GDAP1: variants seen among roughly 807,000 people sequenced by gnomAD.
The protein encoded by GDAP1 is ganglioside-induced differentiation-associated protein 1.
In GDAP1, 34 loss-of-function variants were observed where a neutral mutation model predicts 40.1. That is an observed-to-expected ratio of 0.85 (90% CI 0.64 to 1.13). The LOEUF (loss-of-function observed/expected upper bound fraction) is 1.13, where lower values mean the gene tolerates loss of function less well. Ranked by LOEUF, GDAP1 falls within the 50% of genes most tolerant of loss-of-function variation. The pLI is 0.00. For missense variants in GDAP1, 374 were observed against 433.7 expected, an observed-to-expected ratio of 0.86 and a Z score of 1.22; for synonymous variants, 170 against 157.4, an observed-to-expected ratio of 1.08 and a Z score of -0.60.
chr8:74,413,087 A>AAAT (rs1805735734), intron 2 of GDAP1, among the ~76,000 whole-genome samples: 1 of 147,590 alleles, frequency 6.8e-6, no homozygotes, highest in East Asian at 1.9e-4. Flanking sequence ...AAAAAAAAAA[A>AAAT]AGATTTCTGA....
intron 2 of GDAP1, among the ~76,000 whole-genome samples, chr8:74,447,475 C>T (rs141482975): frequency 2.2e-4 from 34 of 152,134 alleles, no homozygotes; most frequent in African/African-American, 6.0e-4. Flanking sequence ...TTTTGAGTGC[C>T]GATGTGACGC....
chr8:74,463,744 T>C (rs1267477780), intron 2 of GDAP1, among the ~76,000 whole-genome samples: 1 of 152,214 alleles, frequency 6.6e-6, no homozygotes, highest in Admixed American at 6.5e-5. Context: ...GAAATTGGAA[T>C]ATCAACCTTA....
At chr8:74,358,201 G>A (rs1380707342) in intron 2 of GDAP1, among the ~76,000 whole-genome samples, 1 of 152,188 alleles carries the variant, frequency 6.6e-6, no homozygotes, top group African/African-American at 2.4e-5. Context: ...TGAAGAATTT[G>A]GGCTTGGCCT....
chr8:74,413,137 G>T (rs1805736634), intron 2 of GDAP1, among the ~76,000 whole-genome samples: 2 of 142,316 alleles, frequency 1.4e-5, no homozygotes, highest in Admixed American at 1.4e-4. Context: ...TACAATTCAA[G>T]TGTGTATGCT....
At chr8:74,402,016 TGAG>T (rs1302448134) in intron 2 of GDAP1, among the ~76,000 whole-genome samples, 2 of 150,268 alleles carry the variant, frequency 1.3e-5, no homozygotes, top group South Asian at 2.1e-4. Flanking sequence ...GGGACCCACT[TGAG>T]GAGGCAGTCT....
intron 2 of GDAP1, among the ~76,000 whole-genome samples, chr8:74,396,761 G>C (rs1479572563): frequency 2.0e-5 from 3 of 152,112 alleles, no homozygotes; most frequent in Non-Finnish European, 4.4e-5. Context: ...ATCATTGTTG[G>C]ACATTTGGGT....
At chr8:74,478,113 G>T (rs1203741418) in intron 2 of GDAP1, among the ~76,000 whole-genome samples, 5 of 151,946 alleles carry the variant, frequency 3.3e-5, no homozygotes. Flanking sequence ...GTGCTGGTGG[G>T]GTGGTGGGGG....
At chr8:74,360,337 A>T in intron 3 of GDAP1, 27 bp downstream of exon 3, 1 of 1,579,724 alleles carries the variant, frequency 6.3e-7, no homozygotes, top group Non-Finnish European at 8.7e-7. Context: ...AAGACCTGGA[A>T]TTCTGTCTGA....
In GDAP1 at chr8:74,364,464, A is replaced by G. The variant is rs1272594943; in HGVS notation, c.*97A>G. On this transcript the variant is annotated 3_prime_UTR_variant, in exon 6 of 6. Transcript: ENST00000220822. Reference sequence around the variant, plus strand: ...GAGTCTGTCTTATTGAGTAGTTAGCAGTATTTTTTCCTAAAATTCAGAAGT... The same window carrying G: ...GAGTCTGTCTTATTGAGTAGTTAGCGGTATTTTTTCCTAAAATTCAGAAGT... The G allele has an allele frequency of 1.6e-6, 2 of 1,242,210 alleles. No individual in the cohort carries two copies. The highest frequency in any genetic ancestry group is 2.1e-4 in the Middle Eastern group (1 of 4,710). The allele number at this position is 1,242,210 out of a possible 1,614,324, so 76.9% of individuals were successfully genotyped here. A position where few individuals can be genotyped will look rare whatever the true frequency, so the allele number is the denominator to read the frequency against.
downstream of GDAP1, among the ~76,000 whole-genome samples, chr8:74,367,266 T>TC (rs1809675251): frequency 6.6e-6 from 1 of 152,196 alleles, no homozygotes; most frequent in African/African-American, 2.4e-5. Context: ...TATTTATGTA[T>TC]ATTTTTGACA....
chr8:74,458,617 G>A (rs117495612), intron 2 of GDAP1, among the ~76,000 whole-genome samples: 2,895 of 152,284 alleles, frequency 0.019, 52 homozygotes, highest in Admixed American at 0.034. Flanking sequence ...AGTTTAGTGG[G>A]ATATTGGAGC....
chr8:74,453,950 C>T lies in GDAP1; in HGVS notation c.166-34728C>T, dbSNP rs530248667. ...TACTATTCTGAAGAAAACACACACA[C>T]ACACACACACACACACACACACACA... On this transcript the variant is annotated intron_variant, in intron 2 of 2. Coordinates refer to the GDAP1 transcript ENST00000523640. Among the ~76,000 whole-genome samples, 701 of 79,770 alleles carry T rather than the reference C, an allele frequency of 8.8e-3. 275 individuals carry two copies. The highest frequency in any genetic ancestry group is 0.038 in the African/African-American group (670 of 17,812). The allele number at this position is 79,770 out of a possible 152,430, so 52.3% of individuals were successfully genotyped here. A position where few individuals can be genotyped will look rare whatever the true frequency, so the allele number is the denominator to read the frequency against.
intron 2 of GDAP1, among the ~76,000 whole-genome samples, chr8:74,475,982 AT>A (rs1806624209): frequency 6.6e-6 from 1 of 152,176 alleles, no homozygotes; most frequent in African/African-American, 2.4e-5. Context: ...GGGTGCATAT[AT>A]ATTTAAGATG....
chr8:74,429,672 T>G (rs1246970836), intron 2 of GDAP1, among the ~76,000 whole-genome samples: 2 of 152,132 alleles, frequency 1.3e-5, no homozygotes, highest in Non-Finnish European at 2.9e-5. Context: ...GACCCACCCA[T>G]AAGGCCTCGT....
chr8:74,377,545 A>C (rs1809877519), intron 2 of GDAP1, among the ~76,000 whole-genome samples: 1 of 152,232 alleles, frequency 6.6e-6, no homozygotes, highest in Admixed American at 6.5e-5. Context: ...ATACAGTCTA[A>C]GCCAAATCCA....
chr8:74,353,774 T>C (rs1161744437), intron 2 of GDAP1, among the ~76,000 whole-genome samples: 2 of 152,202 alleles, frequency 1.3e-5, no homozygotes, highest in Admixed American at 6.5e-5. Flanking sequence ...TACATTAAAG[T>C]TTGAGAATAC....
At chr8:74,415,193 T>A (rs1290762319) in intron 2 of GDAP1, among the ~76,000 whole-genome samples, 1 of 150,232 alleles carries the variant, frequency 6.7e-6, no homozygotes, top group Non-Finnish European at 1.5e-5. Context: ...AGAAGAAAAC[T>A]TGATATATTA....
intron 2 of GDAP1, among the ~76,000 whole-genome samples, chr8:74,396,640 A>G (rs1810205061): frequency 6.6e-6 from 1 of 152,258 alleles, no homozygotes; most frequent in South Asian, 2.1e-4. Context: ...TTTACTGAGA[A>G]TGATGATTTC....
intron 3 of GDAP1, among the ~76,000 whole-genome samples, chr8:74,360,512 C>A (rs928751482): frequency 1.3e-5 from 2 of 152,164 alleles, no homozygotes; most frequent in African/African-American, 4.8e-5. Flanking sequence ...CATTTATTGT[C>A]TATAGGACCT....
Sources: allele counts gnomAD v4.1 joint callset (sites outside exome capture counted in the v4.1 genomes callset), GRCh38; gene constraint gnomAD v4.1.1; transcripts MANE v1.5; gene names NCBI Gene and HGNC (gene_info 2026-07-23, HGNC 2026-07-21).